GPC5: variants seen among roughly 807,000 people sequenced by gnomAD.
GPC5 encodes the protein glypican 5, also known as glypican-5.
GPC5 carries 47 observed loss-of-function variants against 53.9 expected under a neutral mutation model. That is an observed-to-expected ratio of 0.87 (90% CI 0.69 to 1.11). The LOEUF is 1.11. Among genes scored for constraint, GPC5 ranks in the 50% most tolerant of loss-of-function variants. The pLI is 0.00. For synonymous variants in GPC5, 286 were observed against 263.3 expected (o/e 1.09, Z -0.84); for missense variants, 748 against 713.1 (o/e 1.05, Z -0.56).
chr13:92,442,817 A>G (rs1056787395), intron 7 of GPC5, among the ~76,000 whole-genome samples: 4 of 152,204 alleles, frequency 2.6e-5, no homozygotes, highest in Non-Finnish European at 2.9e-5. Flanking sequence ...ATCCTCCTAA[A>G]GTAGAAGGAA....
chr13:92,203,789 C>T (rs988773994), intron 7 of GPC5, among the ~76,000 whole-genome samples: 4 of 147,444 alleles, frequency 2.7e-5, no homozygotes, highest in South Asian at 2.1e-4. Flanking sequence ...AGGAAAATCT[C>T]GATGACTCGC....
intron 7 of GPC5, among the ~76,000 whole-genome samples, chr13:92,426,454 A>T (rs1288438923): frequency 6.6e-6 from 1 of 152,064 alleles, no homozygotes; most frequent in Non-Finnish European, 1.5e-5. Flanking sequence ...ATATTTCTCA[A>T]ATAGTCCTGA....
At chr13:91,568,561 G>GAAA (rs565705289) in intron 2 of GPC5, among the ~76,000 whole-genome samples, 6 of 141,280 alleles carry the variant, frequency 4.2e-5, no homozygotes, top group African/African-American at 1.5e-4. Flanking sequence ...AGCTTTTATT[G>GAAA]AAAAAAAAAA....
chr13:91,528,927 C>A (rs1384702695), intron 2 of GPC5, among the ~76,000 whole-genome samples: 1 of 152,200 alleles, frequency 6.6e-6, no homozygotes, highest in Non-Finnish European at 1.5e-5. Flanking sequence ...ACAGGGGAAA[C>A]CACCCCCATG....
At chr13:91,582,530 AAC>A (rs1219703939) in intron 2 of GPC5, among the ~76,000 whole-genome samples, 1 of 152,224 alleles carries the variant, frequency 6.6e-6, no homozygotes, top group Non-Finnish European at 1.5e-5. Context: ...GGAAATATCA[AAC>A]ACAAACTTGA....
intron 5 of GPC5, among the ~76,000 whole-genome samples, chr13:91,769,242 C>G (rs1214660448): frequency 6.6e-6 from 1 of 152,066 alleles, no homozygotes; most frequent in African/African-American, 2.4e-5. Context: ...GAATGAGGAC[C>G]ACCAACATTA....
chr13:92,246,330 TAAG>T (rs952615917), intron 7 of GPC5, among the ~76,000 whole-genome samples: 3 of 152,154 alleles, frequency 2.0e-5, no homozygotes, highest in Non-Finnish European at 4.4e-5. Flanking sequence ...GAATAAATAA[TAAG>T]GATATATTCA....
intron 7 of GPC5, among the ~76,000 whole-genome samples, chr13:92,311,947 G>A (rs9516058): frequency 0.083 from 12,633 of 152,106 alleles, 672 homozygotes; most frequent in Middle Eastern, 0.15. Context: ...GAAGACCCTC[G>A]AAAGAGAAGG....
chr13:92,702,478 C>T (rs1289194253), intron 7 of GPC5, among the ~76,000 whole-genome samples: 1 of 152,042 alleles, frequency 6.6e-6, no homozygotes, highest in Non-Finnish European at 1.5e-5. Context: ...TCTTGATATT[C>T]TGGCCAAAAA....
intron 7 of GPC5, among the ~76,000 whole-genome samples, chr13:92,630,010 G>A (rs1885183209): frequency 6.6e-6 from 1 of 152,108 alleles, no homozygotes; most frequent in African/African-American, 2.4e-5. Flanking sequence ...GAACCTTCAG[G>A]AGATATTCCA....
At chr13:92,166,820 C>G (rs929570677) in intron 7 of GPC5, among the ~76,000 whole-genome samples, 9 of 152,192 alleles carry the variant, frequency 5.9e-5, no homozygotes, top group African/African-American at 2.2e-4. Context: ...GAAAGCAATA[C>G]TCATTTGTGT....
In GPC5 at chr13:92,796,407, T is replaced by G. The variant is rs528599665; in HGVS notation, c.1562-69875T>G. On this transcript the variant is annotated intron_variant, in intron 7 of 7. Coordinates refer to ENST00000377067, the MANE Select transcript of GPC5 (RefSeq NM_004466.6). ...GGATAGCATTAGGAGATATACCTAA[T>G]GTAAATGATGAGTTTATGGGTGCAG... Among the ~76,000 whole-genome samples, 55 of 152,146 alleles carry G rather than the reference T, an allele frequency of 3.6e-4. No homozygotes were observed. The South Asian group carries it at 4.6e-3, about 13-fold the overall frequency.
At chr13:92,672,116 T>C (rs192429546) in intron 7 of GPC5, among the ~76,000 whole-genome samples, 105 of 152,242 alleles carry the variant, frequency 6.9e-4, no homozygotes, top group African/African-American at 2.5e-3. Flanking sequence ...TTCAGTTTTG[T>C]TGGGTATTTT....
chr13:91,899,386 C>T (rs899196883), intron 5 of GPC5, among the ~76,000 whole-genome samples: 2 of 151,914 alleles, frequency 1.3e-5, no homozygotes, highest in Non-Finnish European at 2.9e-5. Context: ...AACCAAGCTA[C>T]AATTTAAGAG....
intron 7 of GPC5, among the ~76,000 whole-genome samples, chr13:92,217,015 C>T (rs1036389993): frequency 4.6e-5 from 7 of 151,530 alleles, no homozygotes; most frequent in Non-Finnish European, 8.8e-5. Context: ...CTGACTTGCC[C>T]ACAGTCACAC....
At chr13:91,874,111 A>G (rs2039177115) in intron 5 of GPC5, among the ~76,000 whole-genome samples, 2 of 152,234 alleles carry the variant, frequency 1.3e-5, no homozygotes, top group African/African-American at 4.8e-5. Flanking sequence ...CCTGGAACAT[A>G]GTAAGCACAG....
chr13:92,726,543 C>T (rs1430485019), intron 7 of GPC5, among the ~76,000 whole-genome samples: 1 of 151,510 alleles, frequency 6.6e-6, no homozygotes, highest in Admixed American at 6.6e-5. Context: ...AGGCCCATGC[C>T]ACCATACCCA....
intron 6 of GPC5, among the ~76,000 whole-genome samples, chr13:92,053,811 C>A (rs1289712983): frequency 6.6e-6 from 1 of 151,790 alleles, no homozygotes; most frequent in East Asian, 1.9e-4. Flanking sequence ...GGGCGGATCA[C>A]CTGAGGTCAG....
At chr13:91,965,409 C>A (rs1056562433) in intron 6 of GPC5, among the ~76,000 whole-genome samples, 1 of 152,048 alleles carries the variant, frequency 6.6e-6, no homozygotes, top group Non-Finnish European at 1.5e-5. Flanking sequence ...ATCTGCTGTA[C>A]CATGATATCA....
Sources: allele counts gnomAD v4.1 joint callset (sites outside exome capture counted in the v4.1 genomes callset), GRCh38; gene constraint gnomAD v4.1.1; transcripts MANE v1.5; gene names NCBI Gene and HGNC (gene_info 2026-07-23, HGNC 2026-07-21).